Variants in ARRB1 observed in about 807,000 individuals in gnomAD.
ARRB1 encodes beta-arrestin-1.
ARRB1 carries 21 observed loss-of-function variants against 56.8 expected under a neutral mutation model. The observed-to-expected ratio is 0.37, with a 90% CI of 0.26 to 0.53. ARRB1 has a LOEUF of 0.53. Ranked by LOEUF, ARRB1 falls within the 20% of genes least tolerant of loss-of-function variation. The pLI is 0.88. For synonymous variants in ARRB1, 210 were observed against 218.6 expected, an observed-to-expected ratio of 0.96 and a Z score of 0.35; for missense variants, 424 against 553.7, an observed-to-expected ratio of 0.77 and a Z score of 2.35.
rs890383043 is a variant in ARRB1 at position 75,282,165 on chromosome 11, C to G, written c.355-144G>C. The G allele has an allele frequency of 8.1e-6, 6 of 740,108 alleles. No homozygotes were observed. In the African/African-American group the frequency reaches 1.1e-4, roughly 13 times the overall value. 45.8% of individuals were successfully genotyped at this position (740,108 alleles called of 1,614,324 possible). A position where few individuals can be genotyped will look rare whatever the true frequency, so the allele number is the denominator to read the frequency against. ...GTCTATCCCATCAGACCATGCCAAG[C>G]CATGCCCCATCTAAAACTCTTTAGA... On this transcript the variant is annotated intron_variant, in intron 5 of 15. Coordinates refer to ENST00000420843, the MANE Select transcript of ARRB1 (RefSeq NM_004041.5).
At chr11:75,319,549 C>T (rs1947312636) in intron 1 of ARRB1, among the ~76,000 whole-genome samples, 1 of 152,186 alleles carries the variant, frequency 6.6e-6, no homozygotes, top group Admixed American at 6.5e-5. Context: ...GAAGTGTTCC[C>T]TCAGCACCTT....
Position 75,272,960 on chromosome 11 carries a change from G to C in ARRB1, c.933C>G (p.Asn311Lys), listed in dbSNP as rs1407483918. The change falls in exon 12 of 16, where the codon AAC becomes AAG. Residue 311 changes from asparagine (N) to lysine (K), a missense_variant. This residue lies in a region of ARRB1 where 121 missense variants were observed against 147.3 expected (regional missense o/e 0.82). Transcript: ENST00000420843. ...ASSTLLREGA[N>K]REILGIIVSY... Reference sequence around the variant, plus strand: ...AAACAATGATCCCCAGGATCTCACGGTTGGCACCTTCCCTCAACCTGCAAA... The same window carrying C: ...AAACAATGATCCCCAGGATCTCACGCTTGGCACCTTCCCTCAACCTGCAAA... 1.2e-6 allele frequency: 2 copies of C among 1,614,060 alleles called. No homozygotes were observed. Among genetic ancestry groups the C allele is most frequent in the Non-Finnish European group, 1.7e-6 (2 of 1,179,966 alleles).
intron 1 of ARRB1, among the ~76,000 whole-genome samples, chr11:75,332,820 G>C (rs549582791): frequency 6.6e-6 from 1 of 152,150 alleles, no homozygotes; most frequent in Non-Finnish European, 1.5e-5. Context: ...ACTTGAACCC[G>C]GGAGGCGGAG....
chr11:75,331,619 C>T (rs1035014757), intron 1 of ARRB1, among the ~76,000 whole-genome samples: 3 of 150,738 alleles, frequency 2.0e-5, no homozygotes, highest in African/African-American at 7.3e-5. Flanking sequence ...CAGAGAACAA[C>T]CCCCTTTTGA....
chr11:75,321,737 G>T (rs1187722139), intron 1 of ARRB1, among the ~76,000 whole-genome samples: 2 of 152,216 alleles, frequency 1.3e-5, no homozygotes, highest in Non-Finnish European at 2.9e-5. Flanking sequence ...GATTAAGTGA[G>T]TGTAGTGTCT....
intron 1 of ARRB1, among the ~76,000 whole-genome samples, chr11:75,317,852 A>G (rs553400): frequency 0.75 from 113,751 of 152,100 alleles, 43,375 homozygotes; most frequent in East Asian, 0.99. Context: ...GTGACTTCCT[A>G]GAGGTTACCC....
At chr11:75,281,216 A>G in intron 6 of ARRB1, 74 bp from the exon 7 acceptor site, 1 of 1,403,768 alleles carries the variant, frequency 7.1e-7, no homozygotes, top group Non-Finnish European at 9.8e-7. Flanking sequence ...CCCACCTCTC[A>G]TTTTACAAAC....
chr11:75,331,402 C>A (rs1947516878), intron 1 of ARRB1, among the ~76,000 whole-genome samples: 2 of 152,132 alleles, frequency 1.3e-5, no homozygotes, highest in African/African-American at 4.8e-5. Flanking sequence ...ATTGTCAGGC[C>A]TCTGAGCCCA....
intron 13 of ARRB1, 177 bp from the exon 14 acceptor site, chr11:75,269,136 G>A: frequency 1.3e-6 from 1 of 752,000 alleles, no homozygotes; most frequent in Middle Eastern, 2.3e-4. Flanking sequence ...CCTGGGAGCT[G>A]GACGAGGAGA....
At chr11:75,273,261 G>GCTC (rs1014288149) in intron 11 of ARRB1, among the ~76,000 whole-genome samples, 1 of 152,172 alleles carries the variant, frequency 6.6e-6, no homozygotes, top group African/African-American at 2.4e-5. Context: ...TGAGGGCCAG[G>GCTC]CTCCTCCTCC....
At chr11:75,277,897 A>T (rs144201314) in intron 8 of ARRB1, among the ~76,000 whole-genome samples, 1 of 152,382 alleles carries the variant, frequency 6.6e-6, no homozygotes, top group African/African-American at 2.4e-5. Context: ...TGGGTAGGTT[A>T]TCTAAGCCTC....
rs115209075 is a variant in ARRB1, at chr11:75,311,106, G to A, written c.21-21067C>T. On this transcript the variant is annotated intron_variant, in intron 1 of 15. Transcript: ENST00000420843. ...AATCCCAGCACTTTGAAAGATCAAG[G>A]CAGGCAGATCATCTGAGGTCAGGAA... is the stretch of plus-strand genomic sequence containing the variant. Among the ~76,000 whole-genome samples the A allele has an allele frequency of 1.3e-5, 2 of 152,186 alleles. 1 individual carries two copies. The highest frequency in any genetic ancestry group is 4.1e-4 in the South Asian group (2 of 4,826).
At chr11:75,350,155 C>T (rs1455771282) in intron 1 of ARRB1, among the ~76,000 whole-genome samples, 2 of 152,212 alleles carry the variant, frequency 1.3e-5, no homozygotes, top group Non-Finnish European at 2.9e-5. Context: ...TCTCTGCAAG[C>T]CCTTTCTCAC....
chr11:75,283,651 G>A lies in ARRB1; in HGVS notation c.158-168C>T, dbSNP rs35336923. On this transcript the variant is annotated intron_variant, in intron 4 of 15. Transcript: ENST00000420843. ...ACCAGGAGGGCTGGTAGTGAGTACC[G>A]GAAGGATGCCATGGCCTGGCCCCTG... 9.5e-3 allele frequency among the ~76,000 whole-genome samples: 1,450 copies of A among 152,328 alleles called. 16 individuals are homozygous for A. The highest frequency in any genetic ancestry group is 0.033 in the African/African-American group (1,381 of 41,568).
rs1272385320 is a variant in ARRB1, at chr11:75,290,028, T to C, written c.32A>G (p.Lys11Arg). 6.2e-7 allele frequency: 1 copy of C among 1,614,242 alleles called. No individual in the cohort carries two copies. The highest frequency in any genetic ancestry group is 1.1e-5 in the South Asian group (1 of 91,086). The change falls in exon 2 of 16, where the codon AAG (lysine) becomes AGG (arginine). Residue 11 changes from lysine to arginine, a missense_variant. Physicochemically the swap from Lys to Arg is conservative, Grantham distance 26. Around this residue, in one of 3 missense-constraint regions of ARRB1, gnomAD observed 301 missense variants for 387.9 expected, o/e 0.78. Coordinates refer to ENST00000420843, the MANE Select transcript of ARRB1 (RefSeq NM_004041.5). ...ACTCACCTTTCCATTTGGACTGGCC[T>C]TCTTGAACACTCTGTGGAGAGAAAG... MGDKGTRVFK[K>R]ASPNGKLTVY...
chr11:75,315,643 G>C (rs552212733), intron 1 of ARRB1, among the ~76,000 whole-genome samples: 58 of 152,288 alleles, frequency 3.8e-4, no homozygotes, highest in African/African-American at 1.4e-3. Flanking sequence ...CTCCTAGAGA[G>C]TGGTTTTCTT....
Position 75,272,992 on chromosome 11 carries a change from C to T in ARRB1, c.915-14G>A. On this transcript the variant is annotated splice_polypyrimidine_tract_variant and intron_variant, in intron 11 of 15. Transcript: ENST00000420843. ...CCTTCCCTCAACCTGCAAAGTGACACAGGGGAGCCAGTTCAGGGGCCTTGC... is the reference window on the plus strand; with the variant it reads ...CCTTCCCTCAACCTGCAAAGTGACATAGGGGAGCCAGTTCAGGGGCCTTGC... 2.5e-6 allele frequency: 4 copies of T among 1,613,364 alleles called. No individual in the cohort carries two copies. Among genetic ancestry groups the T allele is most frequent in the Non-Finnish European group, 3.4e-6 (4 of 1,179,460 alleles).
chr11:75,326,712 T>C (rs1191924043), intron 1 of ARRB1, among the ~76,000 whole-genome samples: 1 of 145,808 alleles, frequency 6.9e-6, no homozygotes, highest in African/African-American at 2.6e-5. Flanking sequence ...ACTGCCTTTT[T>C]AAAATTACTG....
At position 75,263,091 on chromosome 11, in the gene ARRB1, G is replaced by C. The variant is rs1945834754; in HGVS notation, c.*3072C>G. Among the ~76,000 whole-genome samples, 1 of 152,228 alleles carries C rather than the reference G, an allele frequency of 6.6e-6. No homozygotes were observed. The highest frequency in any genetic ancestry group is 2.4e-5 in the African/African-American group (1 of 41,458). ...GCAAAGTCCCAGTGACGGATGGCTT[G>C]GCCAGTGCAGGCCCCAAACACTTGG... On this transcript the variant is annotated 3_prime_UTR_variant, in exon 16 of 16. Transcript: ENST00000420843.
Sources: gnomAD v4.1 joint callset for allele counts (sites outside exome capture counted in the v4.1 genomes callset) on GRCh38, gnomAD v4.1.1 for gene constraint, gnomAD v4.1.1 regional missense constraint, MANE v1.5 for transcripts, NCBI Gene and HGNC (gene_info 2026-07-23, HGNC 2026-07-21) for gene names.